Variants in PACS1 observed in about 807,000 individuals in gnomAD.
The protein encoded by PACS1 is PACS-1.
Under a neutral mutation model 115.0 loss-of-function variants are expected in PACS1, and 24 were observed. The ratio of observed to expected loss-of-function variants is 0.21; its 90% CI spans 0.15 to 0.29. The LOEUF (loss-of-function observed/expected upper bound fraction) is 0.29. Ranked by LOEUF, PACS1 falls within the 10% of genes least tolerant of loss-of-function variation. PACS1 has a pLI of 1.00. For synonymous variants in PACS1, 453 were observed against 504.5 expected, an observed-to-expected ratio of 0.90 and a Z score of 1.37; for missense variants, 838 against 1,251.2, an observed-to-expected ratio of 0.67 and a Z score of 4.98.
At chr11:66,189,050 G>A (rs1434930491) in intron 1 of PACS1, among the ~76,000 whole-genome samples, 1 of 152,056 alleles carries the variant, frequency 6.6e-6, no homozygotes, top group Non-Finnish European at 1.5e-5. Context: ...CTGTAAAATA[G>A]GTATAATACC....
chr11:66,153,586 C>T (rs1859292016), intron 1 of PACS1, among the ~76,000 whole-genome samples: 1 of 152,110 alleles, frequency 6.6e-6, no homozygotes, highest in African/African-American at 2.4e-5. Flanking sequence ...TCGAGACCAT[C>T]CTGGCTAACA....
chr11:66,184,312 CAAAAAAAA>C (rs11309195), intron 1 of PACS1, among the ~76,000 whole-genome samples: 11 of 56,054 alleles, frequency 2.0e-4, no homozygotes, highest in African/African-American at 5.3e-4. Context: ...GACCCTGTCT[CAAAAAAAA>C]AAAAAAAAAA....
At chr11:66,099,342 G>A (rs1423786635) in intron 1 of PACS1, among the ~76,000 whole-genome samples, 3 of 152,216 alleles carry the variant, frequency 2.0e-5, no homozygotes, top group African/African-American at 7.2e-5. Context: ...TCCTGCCTCA[G>A]CCTCCCGAGT....
chr11:66,239,676 G>A (rs1171399387), intron 21 of PACS1, among the ~76,000 whole-genome samples: 3 of 152,206 alleles, frequency 2.0e-5, no homozygotes, highest in Non-Finnish European at 2.9e-5. Flanking sequence ...CTTGTTATGG[G>A]ACCTCCCAGG....
intron 1 of PACS1, among the ~76,000 whole-genome samples, chr11:66,119,157 G>A (rs1276587696): frequency 2.6e-5 from 4 of 151,856 alleles, no homozygotes; most frequent in African/African-American, 2.4e-5. Flanking sequence ...ATACTTCTTT[G>A]GTTTAATGCA....
At chr11:66,105,379 C>T (rs779623477) in intron 1 of PACS1, among the ~76,000 whole-genome samples, 1 of 152,062 alleles carries the variant, frequency 6.6e-6, no homozygotes, top group African/African-American at 2.4e-5. Flanking sequence ...GCTGAGACTG[C>T]GCCATTGCAC....
chr11:66,215,943 AT>A (rs1175794204), intron 4 of PACS1, among the ~76,000 whole-genome samples, 175 bp from the exon 5 acceptor site: 12 of 145,758 alleles, frequency 8.2e-5, no homozygotes, highest in African/African-American at 2.9e-4. Context: ...AATAATAATA[AT>A]AATAATAAAC....
intron 1 of PACS1, among the ~76,000 whole-genome samples, chr11:66,088,199 G>A (rs1358499845): frequency 6.6e-6 from 1 of 150,962 alleles, no homozygotes; most frequent in African/African-American, 2.4e-5. Context: ...TTTTTATGAC[G>A]ATATCAAGCA....
In PACS1 at chr11:66,243,229, C is replaced by G; in HGVS notation, c.2841C>G (p.Thr947=). 1 of 1,613,012 alleles carries G rather than the reference C, an allele frequency of 6.2e-7. No homozygotes were observed. Among genetic ancestry groups the G allele is most frequent in the Non-Finnish European group, 8.5e-7 (1 of 1,179,444 alleles). Residue 947 remains threonine, a synonymous_variant, in exon 24 of 24, where the codon ACC becomes ACG. Transcript: ENST00000320580. ...KFFQLAAQWP[T]HVKHFPVGLF... The stretch of plus-strand genomic sequence containing the variant: ...TCCAGCTGGCAGCCCAGTGGCCCAC[C>G]CATGTCAAGCACTTTCCAGTGGGAC...
At chr11:66,083,958 T>C (rs1397993270) in intron 1 of PACS1, 1 of 152,202 alleles carries the variant, frequency 6.6e-6, no homozygotes, top group Non-Finnish European at 1.5e-5. Context: ...AAGATACTTA[T>C]TGAGCACACA....
intron 10 of PACS1, among the ~76,000 whole-genome samples, chr11:66,225,254 G>A (rs1356165851): frequency 6.6e-6 from 1 of 152,178 alleles, no homozygotes; most frequent in Non-Finnish European, 1.5e-5. Flanking sequence ...CATTGTCCAT[G>A]AGCACAGTGG....
At chr11:66,120,656 T>C (rs190325144) in intron 1 of PACS1, among the ~76,000 whole-genome samples, 6 of 152,342 alleles carry the variant, frequency 3.9e-5, no homozygotes, top group Admixed American at 2.6e-4. Context: ...TGCCATTTAC[T>C]TACTAGCTGT....
intron 13 of PACS1, 81 bp downstream of exon 13, chr11:66,231,021 CAGTT>C: frequency 1.3e-6 from 2 of 1,534,968 alleles, no homozygotes; most frequent in Admixed American, 1.7e-5. Context: ...CTTCCTTGGA[CAGTT>C]AGTTGGAGAG....
At chr11:66,239,540 A>G (rs1357102025) in intron 21 of PACS1, among the ~76,000 whole-genome samples, 1 of 152,154 alleles carries the variant, frequency 6.6e-6, no homozygotes, top group African/African-American at 2.4e-5. Flanking sequence ...CCAAAACACT[A>G]AAGTTAGAAT....
At chr11:66,072,048 A>T (rs922222760) in intron 1 of PACS1, among the ~76,000 whole-genome samples, 3 of 152,124 alleles carry the variant, frequency 2.0e-5, no homozygotes, top group Non-Finnish European at 4.4e-5. Context: ...TGTGTTTATC[A>T]TTTCCCTTGT....
intron 1 of PACS1, among the ~76,000 whole-genome samples, chr11:66,110,953 A>G (rs1338956002): frequency 1.3e-5 from 2 of 152,226 alleles, no homozygotes; most frequent in Non-Finnish European, 2.9e-5. Context: ...TTGATCTCGG[A>G]GTCACTTGAC....
intron 1 of PACS1, among the ~76,000 whole-genome samples, chr11:66,097,877 T>C (rs555984643): frequency 3.3e-5 from 5 of 152,322 alleles, no homozygotes; most frequent in African/African-American, 1.2e-4. Context: ...CAAGTCTTTT[T>C]CTTATTTTAA....
intron 4 of PACS1, among the ~76,000 whole-genome samples, chr11:66,215,417 A>G (rs1365193922): frequency 6.6e-6 from 1 of 151,764 alleles, no homozygotes; most frequent in Non-Finnish European, 1.5e-5. Flanking sequence ...AGACTGGGCA[A>G]CATAGTGAGA....
intron 1 of PACS1, among the ~76,000 whole-genome samples, chr11:66,091,984 G>A (rs968114734): frequency 1.3e-5 from 2 of 152,098 alleles, no homozygotes; most frequent in Non-Finnish European, 2.9e-5. Flanking sequence ...ATAAACATAC[G>A]TGTGCATATG....
Sources: gnomAD v4.1 joint callset for allele counts (sites outside exome capture counted in the v4.1 genomes callset) on GRCh38, gnomAD v4.1.1 for gene constraint, MANE v1.5 for transcripts, NCBI Gene and HGNC (gene_info 2026-07-23, HGNC 2026-07-21) for gene names.